Variants in RNF125 observed in about 807,000 individuals in gnomAD.
RNF125 encodes the protein E3 ubiquitin-protein ligase RNF125.
Under a neutral mutation model 26.0 loss-of-function variants are expected in RNF125, and 21 were observed. The ratio of observed to expected loss-of-function variants is 0.81; its 90% CI spans 0.57 to 1.16. The LOEUF (loss-of-function observed/expected upper bound fraction) is 1.16, where lower values mean the gene tolerates loss of function less well. RNF125 is among the 50% of genes most tolerant of loss of function. RNF125 has a pLI of 0.00. For missense variants in RNF125, 270 were observed against 299.4 expected, an observed-to-expected ratio of 0.90 and a Z score of 0.72; for synonymous variants, 95 against 109.2, an observed-to-expected ratio of 0.87 and a Z score of 0.81.
intron 2 of RNF125, among the ~76,000 whole-genome samples, chr18:32,039,896 C>T (rs1450672290): frequency 6.6e-6 from 1 of 151,694 alleles, no homozygotes; most frequent in African/African-American, 2.4e-5. Flanking sequence ...TCTCGTGCCT[C>T]AGCCTCCCGA....
intron 4 of RNF125, among the ~76,000 whole-genome samples, chr18:32,062,471 T>A (rs1409276815): frequency 6.6e-6 from 1 of 152,170 alleles, no homozygotes; most frequent in Admixed American, 6.5e-5. Context: ...TGTAAATGAT[T>A]ATAATTCAAC....
At chr18:32,078,195 G>T (rs1046935732), downstream of RNF125, among the ~76,000 whole-genome samples, 2 of 152,156 alleles carry the variant, frequency 1.3e-5, no homozygotes, top group Non-Finnish European at 2.9e-5. Context: ...GGTGATAGCG[G>T]TATAACTTAC....
At chr18:32,031,486 G>GAAAAAAAAA (rs745809061) in intron 1 of RNF125, 1 of 20,950 alleles carries the variant, frequency 4.8e-5, no homozygotes, top group Non-Finnish European at 1.3e-4. Context: ...CAAATTGTGG[G>GAAAAAAAAA]AAAAAAAAAA....
At chr18:32,073,806 C>T (rs999311790), downstream of RNF125, among the ~76,000 whole-genome samples, 1 of 152,084 alleles carries the variant, frequency 6.6e-6, no homozygotes, top group Non-Finnish European at 1.5e-5. Context: ...TTGAGGGAAC[C>T]CAGATCAGTT....
intron 4 of RNF125, among the ~76,000 whole-genome samples, chr18:32,053,141 T>G (rs1176406216): frequency 6.6e-6 from 1 of 152,166 alleles, no homozygotes; most frequent in East Asian, 1.9e-4. Flanking sequence ...GGCAGGGAGA[T>G]CACCTGAGGT....
intron 1 of RNF125, among the ~76,000 whole-genome samples, chr18:32,019,303 T>C (rs57224930): frequency 0.057 from 8,649 of 152,088 alleles, 317 homozygotes; most frequent in African/African-American, 0.11. Context: ...GAGAAGGGGA[T>C]CCAGGCACGG....
chr18:32,058,502 CA>C (rs2039407021), intron 4 of RNF125, among the ~76,000 whole-genome samples: 2 of 151,954 alleles, frequency 1.3e-5, no homozygotes, highest in Non-Finnish European at 2.9e-5. Context: ...CATGTGACCA[CA>C]CCCAGCTAAT....
At chr18:32,050,809 A>C (rs1342035237) in intron 4 of RNF125, among the ~76,000 whole-genome samples, 1 of 145,784 alleles carries the variant, frequency 6.9e-6, no homozygotes, top group African/African-American at 2.5e-5. Context: ...TATTCTGTAA[A>C]GGGAAGATGT....
At chr18:32,052,332 A>C (rs1598820939) in intron 4 of RNF125, among the ~76,000 whole-genome samples, 1 of 151,708 alleles carries the variant, frequency 6.6e-6, no homozygotes, top group Admixed American at 6.6e-5. Context: ...ATCTCTACTA[A>C]ATATACAAAA....
rs549165118 is a variant in RNF125, at chr18:32,061,231, A to G, written c.505-4671A>G. Among the ~76,000 whole-genome samples, 7 of 152,242 alleles carry G rather than the reference A, an allele frequency of 4.6e-5. No homozygotes were observed. In the East Asian group the frequency reaches 7.7e-4, roughly 17 times the overall value. On this transcript the variant is annotated intron_variant, in intron 4 of 5. Coordinates refer to ENST00000217740, the MANE Select transcript of RNF125 (RefSeq NM_017831.4). ...AGTAGAGACAGGGTTTCACCGTGTT[A>G]GCCAGGATGGTGTCGATCTCCTGAC...
intron 2 of RNF125, among the ~76,000 whole-genome samples, chr18:32,038,171 C>T (rs910925276): frequency 6.6e-6 from 1 of 151,538 alleles, no homozygotes; most frequent in East Asian, 1.9e-4. Flanking sequence ...GCCTCAGCTT[C>T]CCGAGTAGCT....
At chr18:32,062,018 G>T (rs990619395) in intron 4 of RNF125, among the ~76,000 whole-genome samples, 1 of 152,180 alleles carries the variant, frequency 6.6e-6, no homozygotes, top group Non-Finnish European at 1.5e-5. Flanking sequence ...ACTCTTCAAG[G>T]ACAGGGATCA....
At chr18:32,056,475 GC>G (rs1412370051) in intron 4 of RNF125, among the ~76,000 whole-genome samples, 2 of 151,910 alleles carry the variant, frequency 1.3e-5, no homozygotes, top group African/African-American at 2.4e-5. Flanking sequence ...AATTAGCTGG[GC>G]ATGGTGGCCC....
At chr18:32,062,111 A>G (rs578082360) in intron 4 of RNF125, among the ~76,000 whole-genome samples, 18 of 152,138 alleles carry the variant, frequency 1.2e-4, no homozygotes, top group Non-Finnish European at 2.4e-4. Context: ...TATTACAGCT[A>G]CTCTACAAGG....
chr18:32,077,160 T>C (rs1456658664), downstream of RNF125, among the ~76,000 whole-genome samples: 2 of 152,054 alleles, frequency 1.3e-5, no homozygotes, highest in African/African-American at 2.4e-5. Context: ...ACTGATGATA[T>C]ATACACATAT....
intron 1 of RNF125, 31 bp from the exon 2 acceptor site, chr18:32,037,085 A>C (rs373799916): frequency 3.5e-5 from 54 of 1,562,264 alleles, no homozygotes; most frequent in Non-Finnish European, 4.2e-5. Flanking sequence ...CTTTCAAGGA[A>C]AGTGATGTAT....
At position 32,037,224 on chromosome 18, in the gene RNF125, A is replaced by C; in HGVS notation, c.273A>C (p.Lys91Asn). The change falls in exon 2 of 6, where the codon AAA (lysine) becomes AAC (asparagine). Residue 91 changes from lysine to asparagine, a missense_variant. Physicochemically the swap from Lys to Asn is moderately conservative, Grantham distance 94. Coordinates refer to ENST00000217740, the MANE Select transcript of RNF125 (RefSeq NM_017831.4). ...SEGVPATDVA[K>N]RMKSEYKNCA... is the part of the protein sequence containing the mutation. ...GAGTTCCAGCAACTGATGTAGCCAA[A>C]AGAATGAAATCAGAGTATAAGAACT... 6.2e-7 allele frequency: 1 copy of C among 1,605,392 alleles called. No individual in the cohort carries two copies. Among genetic ancestry groups the C allele is most frequent in the Non-Finnish European group, 8.5e-7 (1 of 1,176,876 alleles).
chr18:32,021,847 C>T (rs1395612484), intron 1 of RNF125, among the ~76,000 whole-genome samples: 1 of 152,082 alleles, frequency 6.6e-6, no homozygotes, highest in African/African-American at 2.4e-5. Context: ...GAATAGGAAA[C>T]TAGCAACTGG....
At chr18:32,055,816 C>T (rs2039375164) in intron 4 of RNF125, among the ~76,000 whole-genome samples, 1 of 151,012 alleles carries the variant, frequency 6.6e-6, no homozygotes, top group Non-Finnish European at 1.5e-5. Context: ...TCCGTCTCTA[C>T]TAAAAATACA....
Sources: gnomAD v4.1 joint callset for allele counts (sites outside exome capture counted in the v4.1 genomes callset) on GRCh38, gnomAD v4.1.1 for gene constraint, MANE v1.5 for transcripts, NCBI Gene and HGNC (gene_info 2026-07-23, HGNC 2026-07-21) for gene names.